Variants in ATP6V1E1 observed in about 807,000 individuals in gnomAD.
ATP6V1E1 encodes V-type proton ATPase subunit E 1.
Under a neutral mutation model 35.2 loss-of-function variants are expected in ATP6V1E1, and 21 were observed. The ratio of observed to expected loss-of-function variants is 0.60; its 90% confidence interval spans 0.42 to 0.86. The LOEUF (loss-of-function observed/expected upper bound fraction) is 0.86. Among genes scored for constraint, ATP6V1E1 ranks in the 40% least tolerant of loss-of-function variants. ATP6V1E1 has a pLI of 0.00. For missense variants in ATP6V1E1, 183 were observed against 272.6 expected (o/e 0.67, Z 2.32); for synonymous variants, 83 against 87.8 (o/e 0.95, Z 0.30).
chr22:17,612,298 A>G (rs1415793266), intron 4 of ATP6V1E1, among the ~76,000 whole-genome samples: 2 of 152,180 alleles, frequency 1.3e-5, no homozygotes, highest in African/African-American at 4.8e-5. Context: ...CACTTTCTCA[A>G]TGAAGTGGTA....
chr22:17,597,601 C>G (rs779593516), intron 7 of ATP6V1E1, among the ~76,000 whole-genome samples: 2 of 152,012 alleles, frequency 1.3e-5, no homozygotes, highest in Non-Finnish European at 2.9e-5. Context: ...GGCCACCTCC[C>G]CGCAGAAGGA....
intron 1 of ATP6V1E1, among the ~76,000 whole-genome samples, chr22:17,625,020 T>C (rs1490518140): frequency 2.0e-5 from 3 of 152,038 alleles, no homozygotes; most frequent in African/African-American, 7.2e-5. Flanking sequence ...GCTTTTCCTA[T>C]ATTGAAAGAA....
At position 17,613,244 on chromosome 22, in the gene ATP6V1E1, T is replaced by G; in HGVS notation, c.176A>C (p.Lys59Thr). The G allele has an allele frequency of 6.2e-7, 1 of 1,612,656 alleles. No homozygotes were observed. Among genetic ancestry groups the G allele is most frequent in the Non-Finnish European group, 8.5e-7 (1 of 1,179,744 alleles). The change falls in exon 3 of 9, where the codon AAG (lysine) becomes ACG (threonine). Residue 59 changes from lysine to threonine, a missense_variant. Transcript: ENST00000253413. Reference sequence around the variant, plus strand: ...CTGCTGCTCAATCTGTTTCTCTTTCTTCTCATAATATTCCATAATCTTTAG... The same window carrying G: ...CTGCTGCTCAATCTGTTTCTCTTTCGTCTCATAATATTCCATAATCTTTAG... ...QRLKIMEYYEKKEKQIEQQKK... is the reference protein window; with the variant it reads ...QRLKIMEYYETKEKQIEQQKK...
At chr22:17,628,763 G>C, upstream of ATP6V1E1, 2 of 1,298,368 alleles carry the variant, frequency 1.5e-6, no homozygotes, top group Non-Finnish European at 2.2e-6. Flanking sequence ...CGCGGGTTCC[G>C]GTTCCTGCCA....
rs1442134775 is a variant in ATP6V1E1 at position 17,598,185 on chromosome 22, A to G, written c.530+9T>C. On this transcript the variant is annotated intron_variant, in intron 7 of 8. Coordinates refer to ENST00000253413, the MANE Select transcript of ATP6V1E1 (RefSeq NM_001696.4). ...GAAGGTAGCTGTTAGCAGCAGGAAT[A>G]CTCCTTACATGTCTTCAGGCAGGTA... 1 of 1,602,220 alleles carries G rather than the reference A, an allele frequency of 6.2e-7. No homozygotes were observed. The highest frequency in any genetic ancestry group is 2.2e-5 in the East Asian group (1 of 44,824).
chr22:17,619,094 C>A, intron 2 of ATP6V1E1: 1 of 455,640 alleles, frequency 2.2e-6, no homozygotes, highest in East Asian at 6.8e-5. Context: ...GAGATTGAGA[C>A]CATCCTGGCC....
At chr22:17,616,324 G>A (rs1971536352) in intron 2 of ATP6V1E1, among the ~76,000 whole-genome samples, 1 of 151,932 alleles carries the variant, frequency 6.6e-6, no homozygotes, top group Admixed American at 6.6e-5. Flanking sequence ...CTCCAGCCTG[G>A]GCAATAGAGG....
At chr22:17,613,185 T>C (rs1258973751) in intron 3 of ATP6V1E1, 26 bp downstream of exon 3, 1 of 1,597,298 alleles carries the variant, frequency 6.3e-7, no homozygotes. Context: ...CTTCTTAGCT[T>C]AATACTGCAA....
At chr22:17,628,782 C>T, upstream of ATP6V1E1, 1 of 1,046,892 alleles carries the variant, frequency 9.6e-7, no homozygotes, top group South Asian at 1.3e-5. Flanking sequence ...CAGGTGACTG[C>T]ACAGTTCATC....
chr22:17,622,686 C>T (rs2057883825), intron 1 of ATP6V1E1, among the ~76,000 whole-genome samples: 1 of 152,146 alleles, frequency 6.6e-6, no homozygotes, highest in Admixed American at 6.6e-5. Flanking sequence ...ACACTACTGC[C>T]TGGGTATGGT....
chr22:17,600,129 T>C (rs377158776), intron 5 of ATP6V1E1, 34 bp from the exon 6 acceptor site: 4 of 1,579,348 alleles, frequency 2.5e-6, no homozygotes, highest in Non-Finnish European at 1.7e-6. Context: ...CAGTAGAAAA[T>C]GCAAACTATA....
chr22:17,616,449 C>T (rs980846745), intron 2 of ATP6V1E1, among the ~76,000 whole-genome samples: 2 of 152,102 alleles, frequency 1.3e-5, no homozygotes, highest in Admixed American at 6.5e-5. Context: ...GAGGCCAAGG[C>T]AGGTGGACTG....
intron 4 of ATP6V1E1, 75 bp downstream of exon 4, chr22:17,612,737 G>A (rs1173806094): frequency 2.6e-6 from 3 of 1,155,138 alleles, no homozygotes; most frequent in Non-Finnish European, 3.7e-6. Context: ...CTTAATTAAT[G>A]TTAACTAGTA....
intron 5 of ATP6V1E1, 136 bp downstream of exon 5, chr22:17,600,956 A>G (rs1385080295): frequency 2.9e-6 from 2 of 692,470 alleles, no homozygotes; most frequent in Admixed American, 2.8e-5. Context: ...TAAAAAAGCT[A>G]AAAGAAAAAA....
intron 1 of ATP6V1E1, among the ~76,000 whole-genome samples, chr22:17,628,005 G>A (rs1320327995): frequency 6.9e-6 from 1 of 144,992 alleles, no homozygotes; most frequent in Non-Finnish European, 1.5e-5. Flanking sequence ...TCTTTTTCCA[G>A]AGGGAGTCTC....
intron 8 of ATP6V1E1, among the ~76,000 whole-genome samples, chr22:17,594,222 A>G (rs944830739): frequency 5.3e-5 from 8 of 152,156 alleles, no homozygotes; most frequent in African/African-American, 1.9e-4. Context: ...ACAAAAAAAC[A>G]CAAGTATTTG....
intron 2 of ATP6V1E1, among the ~76,000 whole-genome samples, chr22:17,618,457 C>G (rs1017717417): frequency 6.6e-6 from 1 of 151,030 alleles, no homozygotes; most frequent in African/African-American, 2.4e-5. Flanking sequence ...CCGAGGCAGG[C>G]AGATCACGAG....
intron 1 of ATP6V1E1, among the ~76,000 whole-genome samples, chr22:17,620,020 C>T (rs1347229129): frequency 6.6e-6 from 1 of 152,196 alleles, no homozygotes; most frequent in Admixed American, 6.6e-5. Context: ...ACACTGCAGT[C>T]TCACTTGCAC....
intron 4 of ATP6V1E1, among the ~76,000 whole-genome samples, chr22:17,608,427 A>T (rs1161531602): frequency 1.3e-5 from 2 of 152,028 alleles, no homozygotes; most frequent in East Asian, 3.8e-4. Context: ...TTTTGTTTCT[A>T]TTATTTATTA....
Sources: allele counts gnomAD v4.1 joint callset (sites outside exome capture counted in the v4.1 genomes callset), GRCh38; gene constraint gnomAD v4.1.1; transcripts MANE v1.5; gene names NCBI Gene and HGNC (gene_info 2026-07-23, HGNC 2026-07-21).